The following RTN4IP1 variants were observed in gnomAD, a reference collection of about 807,000 sequenced individuals.
RTN4IP1 encodes the protein reticulon 4 interacting protein 1, also known as NAD(P)H oxidoreductase RTN4IP1, mitochondrial.
RTN4IP1 carries 32 observed loss-of-function variants against 46.6 expected under a neutral mutation model. The observed-to-expected ratio is 0.69, with a 90% CI of 0.52 to 0.92. RTN4IP1 has a LOEUF of 0.92. RTN4IP1 is among the 40% of genes least tolerant of loss of function. RTN4IP1 has a pLI of 0.00. For missense variants in RTN4IP1, 424 were observed against 485.8 expected (o/e 0.87, Z 1.20); for synonymous variants, 167 against 161.8 (o/e 1.03, Z -0.24).
At chr6:106,577,795 G>C (rs1011910881) in intron 8 of RTN4IP1, among the ~76,000 whole-genome samples, 1 of 152,144 alleles carries the variant, frequency 6.6e-6, no homozygotes, top group Admixed American at 6.5e-5. Context: ...AACAGAAGCA[G>C]AGGTTGGAGT....
At chr6:106,576,345 C>T (rs1350809595) in intron 8 of RTN4IP1, among the ~76,000 whole-genome samples, 1 of 152,152 alleles carries the variant, frequency 6.6e-6, no homozygotes, top group Non-Finnish European at 1.5e-5. Context: ...AAAAAATGCA[C>T]TTCCAACAGC....
intron 8 of RTN4IP1, among the ~76,000 whole-genome samples, chr6:106,582,613 CAT>C (rs1313567536): frequency 2.0e-5 from 3 of 152,144 alleles, no homozygotes; most frequent in African/African-American, 7.2e-5. Flanking sequence ...CTCTCAATAA[CAT>C]AAAAAATATC....
intron 5 of RTN4IP1, among the ~76,000 whole-genome samples, chr6:106,596,001 T>C (rs1775781210): frequency 6.6e-6 from 1 of 151,324 alleles, no homozygotes. Flanking sequence ...CTCATGGATT[T>C]AAATATATTT....
chr6:106,587,199 G>A (rs920015461), intron 7 of RTN4IP1, among the ~76,000 whole-genome samples: 1 of 152,216 alleles, frequency 6.6e-6, no homozygotes, highest in Non-Finnish European at 1.5e-5. Flanking sequence ...GAAAACAGCA[G>A]CTGTAAGTTT....
intron 7 of RTN4IP1, 105 bp downstream of exon 7, chr6:106,587,574 A>G (rs1467210453): frequency 9.8e-7 from 1 of 1,017,708 alleles, no homozygotes; most frequent in Non-Finnish European, 1.5e-6. Flanking sequence ...GCTTGCAACC[A>G]CCGTGCTATG....
chr6:106,603,614 T>C (rs1319435102), intron 4 of RTN4IP1, among the ~76,000 whole-genome samples: 19 of 152,168 alleles, frequency 1.2e-4, no homozygotes, highest in Admixed American at 1.1e-3. Flanking sequence ...TCTGAAATTG[T>C]GAATTTCCTA....
At chr6:106,628,449 CAG>C (rs1262897936) in intron 1 of RTN4IP1, among the ~76,000 whole-genome samples, 1 of 151,290 alleles carries the variant, frequency 6.6e-6, no homozygotes, top group African/African-American at 2.4e-5. Flanking sequence ...GCCTGGGTGA[CAG>C]AGTGAGACTC....
chr6:106,616,908 CA>C, intron 4 of RTN4IP1, among the ~76,000 whole-genome samples: 1 of 152,218 alleles, frequency 6.6e-6, no homozygotes, highest in East Asian at 1.9e-4. Context: ...TGTGTCCCAC[CA>C]AAATTCGTAT....
chr6:106,593,577 A>C (rs1441970209), intron 5 of RTN4IP1, among the ~76,000 whole-genome samples: 1 of 152,198 alleles, frequency 6.6e-6, no homozygotes, highest in Non-Finnish European at 1.5e-5. Context: ...TCACTAGAAT[A>C]CAAGGGATCT....
chr6:106,595,304 T>C (rs980680735), intron 5 of RTN4IP1, among the ~76,000 whole-genome samples: 1 of 152,156 alleles, frequency 6.6e-6, no homozygotes, highest in Non-Finnish European at 1.5e-5. Context: ...CTAGATCTGA[T>C]TCCATTTCAA....
At chr6:106,584,018 T>C (rs1775427388) in intron 7 of RTN4IP1, among the ~76,000 whole-genome samples, 1 of 152,232 alleles carries the variant, frequency 6.6e-6, no homozygotes, top group Admixed American at 6.5e-5. Flanking sequence ...TCTCATCTAT[T>C]ACAGGGCAAT....
chr6:106,582,947 T>C (rs1297044654), intron 8 of RTN4IP1, among the ~76,000 whole-genome samples: 1 of 152,152 alleles, frequency 6.6e-6, no homozygotes, highest in African/African-American at 2.4e-5. Context: ...CTTGATTTTA[T>C]TATACCCACC....
In RTN4IP1 at chr6:106,618,801, T is replaced by G. The variant is rs554280952; in HGVS notation, c.620+401A>C. On this transcript the variant is annotated intron_variant, in intron 4 of 8. Transcript: ENST00000369063. ...GTGTGAGAATAACTCCTGGGAGAGG[T>G]AGGGAAAAAACATCTTAACCTTGAC... Among the ~76,000 whole-genome samples, 4 of 152,198 alleles carry G rather than the reference T, an allele frequency of 2.6e-5. No homozygotes were observed. In the East Asian group the frequency reaches 7.7e-4, roughly 29 times the overall value.
At chr6:106,604,604 A>G (rs927528102) in intron 4 of RTN4IP1, among the ~76,000 whole-genome samples, 3 of 152,048 alleles carry the variant, frequency 2.0e-5, no homozygotes, top group Non-Finnish European at 2.9e-5. Context: ...CCCCCTCCCT[A>G]TAATCTCACC....
Position 106,628,850 on chromosome 6 carries a change from G to A in RTN4IP1, c.172C>T (p.Arg58Ter), listed in dbSNP as rs1293009979. ...IDKYGKNEVL[R>*]FTQNMMMPII... is the part of the protein sequence containing the mutation. ...GGCATCATCATGTTCTGAGTGAATC[G>A]AAGCACTTCATTCTTCCCATATTTA... Residue 58 changes from arginine to a stop codon, truncating the protein, a stop_gained, in exon 1 of 9, where the codon CGA becomes TGA. Transcript: ENST00000369063. LOFTEE classifies it high-confidence loss of function. The A allele has an allele frequency of 6.2e-7, 1 of 1,613,938 alleles. No individual in the cohort carries two copies. Among genetic ancestry groups the A allele is most frequent in the Admixed American group, 1.7e-5 (1 of 59,994 alleles).
Position 106,587,572 on chromosome 6 carries a change from C to G in RTN4IP1, c.990+107G>C, listed in dbSNP as rs1488370450. ...GTGACTGCAGAGTCCATGCTTGCAA[C>G]CACCGTGCTATGCGGCCTCCAAGAG... On this transcript the variant is annotated intron_variant, in intron 7 of 8. Coordinates refer to ENST00000369063, the MANE Select transcript of RTN4IP1 (RefSeq NM_032730.5). 2.2e-5 allele frequency: 22 copies of G among 1,003,404 alleles called. No individual in the cohort carries two copies. The South Asian group carries it at 3.0e-4, about 14-fold the overall frequency. The allele number at this position is 1,003,404 out of a possible 1,614,324, so 62.2% of individuals were successfully genotyped here.
At chr6:106,599,722 G>T (rs369455620) in intron 5 of RTN4IP1, among the ~76,000 whole-genome samples, 3 of 151,810 alleles carry the variant, frequency 2.0e-5, no homozygotes, top group Admixed American at 2.0e-4. Context: ...TTTCTAGTTG[G>T]GGAATTTTAA....
chr6:106,629,121 A>G lies in RTN4IP1; in HGVS notation c.-100T>C. 1 of 1,198,940 alleles carries G rather than the reference A, an allele frequency of 8.3e-7. No homozygotes were observed. The highest frequency in any genetic ancestry group is 1.2e-6 in the Non-Finnish European group (1 of 859,082). The allele number at this position is 1,198,940 out of a possible 1,614,324, so 74.3% of individuals were successfully genotyped here. ...GTCAAATTCTGCCAAACCACGGGCT[A>G]GTTTCAAAATTAAGCATGCAAAACG... On this transcript the variant is annotated 5_prime_UTR_variant, in exon 1 of 9. Transcript: ENST00000369063.
intron 5 of RTN4IP1, among the ~76,000 whole-genome samples, chr6:106,598,671 C>A (rs1430169645): frequency 9.9e-5 from 15 of 151,926 alleles, no homozygotes; most frequent in Admixed American, 9.8e-4. Context: ...ATGGTAGTTT[C>A]TTTTGCTGTG....
Sources: gnomAD v4.1 joint callset for allele counts (sites outside exome capture counted in the v4.1 genomes callset) on GRCh38, gnomAD v4.1.1 for gene constraint, MANE v1.5 for transcripts, NCBI Gene and HGNC (gene_info 2026-07-23, HGNC 2026-07-21) for gene names.